Variants in CCDC157 observed in about 807,000 individuals in gnomAD.
CCDC157 encodes the protein coiled-coil domain-containing protein 157.
In CCDC157, 60 loss-of-function variants were observed where a neutral mutation model predicts 70.9. The ratio of observed to expected loss-of-function variants is 0.85; its 90% CI spans 0.69 to 1.05. The LOEUF is 1.05. Ranked by LOEUF, CCDC157 falls within the 50% of genes least tolerant of loss-of-function variation. The pLI is 0.00. For missense variants in CCDC157, 943 were observed against 984.2 expected, an observed-to-expected ratio of 0.96 and a Z score of 0.56; for synonymous variants, 373 against 422.4, an observed-to-expected ratio of 0.88 and a Z score of 1.43.
intron 5 of CCDC157, chr22:30,371,327 GAC>G: frequency 4.0e-6 from 2 of 500,274 alleles, no homozygotes; most frequent in Non-Finnish European, 7.2e-6. Flanking sequence ...AGCCATTAGA[GAC>G]AAAGTTCCTG....
chr22:30,365,465 A>G (rs564369641), intron 2 of CCDC157, among the ~76,000 whole-genome samples: 285 of 152,210 alleles, frequency 1.9e-3, no homozygotes, highest in African/African-American at 6.8e-3. Flanking sequence ...CCAGCATGAC[A>G]TGGTCCAATA....
At chr22:30,374,649 G>A (rs1351720018) in intron 9 of CCDC157, 3 of 456,692 alleles carry the variant, frequency 6.6e-6, no homozygotes, top group East Asian at 6.9e-5. Context: ...GCAGTTAGCT[G>A]CTCGTGAGAC....
In CCDC157 at chr22:30,375,632, T is replaced by C. The variant is rs759674650; in HGVS notation, c.1826T>C (p.Ile609Thr). 3 of 1,613,832 alleles carry C rather than the reference T, an allele frequency of 1.9e-6. No individual in the cohort carries two copies. Among genetic ancestry groups the C allele is most frequent in the Non-Finnish European group, 2.5e-6 (3 of 1,179,954 alleles). The change falls in exon 10 of 12, where the codon ATC (isoleucine) becomes ACC (threonine). Residue 609 changes from isoleucine (I) to threonine (T), a missense_variant. Coordinates refer to ENST00000338306, the MANE Select transcript of CCDC157 (RefSeq NM_001017437.5). Reference protein sequence around the residue: ...NGRLQSMLSKIREVAQQGGLK... With the variant: ...NGRLQSMLSKTREVAQQGGLK... ...CGGCTCCAATCAATGCTGTCCAAAA[T>C]CCGGGAAGTGGCCCAGCAGGGTGGC...
chr22:30,358,759 C>T (rs568393265), intron 1 of CCDC157, among the ~76,000 whole-genome samples: 1 of 152,290 alleles, frequency 6.6e-6, no homozygotes, highest in South Asian at 2.1e-4. Flanking sequence ...GCTGCTCCTC[C>T]CTAAGGGCTC....
Position 30,370,298 on chromosome 22 carries a change from G to GCTTT in CCDC157, c.421-26_421-23dup, listed in dbSNP as rs762375117. The GCTTT allele has an allele frequency of 1.9e-6, 3 of 1,608,318 alleles. No individual in the cohort carries two copies. The South Asian group carries it at 3.3e-5, about 18-fold the overall frequency. ...TCCCTCTCTACTCTCTCCCTCACCT[G>GCTTT]CTTTCCCTTGTCTTTTTCTGAACAC... On this transcript the variant is annotated intron_variant, in intron 4 of 11. Transcript: ENST00000338306.
At chr22:30,374,766 C>T (rs1437571403) in intron 9 of CCDC157, 4 of 455,754 alleles carry the variant, frequency 8.8e-6, no homozygotes, top group Non-Finnish European at 1.3e-5. Context: ...CAGCAATTCT[C>T]CCGGGCTCCT....
intron 7 of CCDC157, 28 bp from the exon 8 acceptor site, chr22:30,373,569 G>T (rs1432390334): frequency 2.6e-6 from 4 of 1,551,086 alleles, no homozygotes; most frequent in Non-Finnish European, 3.5e-6. Flanking sequence ...GGGTCTCACA[G>T]CCTCCCTGCT....
chr22:30,368,609 T>A (rs1344854400), intron 3 of CCDC157, among the ~76,000 whole-genome samples: 1 of 152,182 alleles, frequency 6.6e-6, no homozygotes, highest in Admixed American at 6.5e-5. Flanking sequence ...AGTGCTGTTG[T>A]CCCTGTTTGC....
At chr22:30,366,855 C>G (rs1932760165) in intron 3 of CCDC157, 1 of 158,612 alleles carries the variant, frequency 6.3e-6, no homozygotes, top group Non-Finnish European at 1.4e-5. Context: ...GTCAGGAGTT[C>G]AAGACCAGCC....
At position 30,374,097 on chromosome 22, in the gene CCDC157, GGA is replaced by G. The variant is rs766710119; in HGVS notation, c.1672+7_1672+8del. 1.9e-6 allele frequency: 3 copies of G among 1,589,406 alleles called. No homozygotes were observed. In the South Asian group the frequency reaches 3.4e-5, roughly 18 times the overall value. ...CACCGAGACCCAGATCCATGGTAGGGGACTGGGGATGGTGCCAAGGGCATGCT... is the reference window on the plus strand; with the variant it reads ...CACCGAGACCCAGATCCATGGTAGGGCTGGGGATGGTGCCAAGGGCATGCT... On this transcript the variant is annotated splice_region_variant and intron_variant, in intron 9 of 11. Transcript: ENST00000338306.
At chr22:30,364,828 A>C (rs1179609938) in intron 2 of CCDC157, among the ~76,000 whole-genome samples, 2 of 151,914 alleles carry the variant, frequency 1.3e-5, no homozygotes, top group Non-Finnish European at 2.9e-5. Flanking sequence ...AAAAAAAAAA[A>C]ACCAAAAAAC....
Position 30,366,029 on chromosome 22 carries a change from G to T in CCDC157, c.29G>T (p.Cys10Phe). MAHLLGSQA[C>F]MESLRTDLTD... Reference sequence around the variant, plus strand: ...GCGCACCTGCTGGGCAGCCAGGCCTGCATGGAGAGCCTGCGCACAGACCTC... The same window carrying T: ...GCGCACCTGCTGGGCAGCCAGGCCTTCATGGAGAGCCTGCGCACAGACCTC... The change falls in exon 3 of 12, where the codon TGC becomes TTC. Residue 10 changes from cysteine (C) to phenylalanine (F), a missense_variant. By Grantham distance (205) the Cys-to-Phe change is radical (BLOSUM62 -2). Coordinates refer to ENST00000338306, the MANE Select transcript of CCDC157 (RefSeq NM_001017437.5). The T allele has an allele frequency of 1.2e-6, 2 of 1,602,462 alleles. No individual in the cohort carries two copies.
intron 5 of CCDC157, chr22:30,371,190 G>A (rs373308465): frequency 2.9e-5 from 17 of 581,314 alleles, no homozygotes; most frequent in Middle Eastern, 9.1e-4. Context: ...GCCCAGACTC[G>A]TCCATCGGTC....
At chr22:30,372,552 C>T (rs1804478427) in intron 7 of CCDC157, 1 of 403,330 alleles carries the variant, frequency 2.5e-6, no homozygotes, top group Non-Finnish European at 4.4e-6. Context: ...GCCACACTCT[C>T]CTGCCAGATG....
chr22:30,356,927 G>T, upstream of CCDC157: 2 of 715,174 alleles, frequency 2.8e-6, no homozygotes, highest in Middle Eastern at 4.5e-4. Flanking sequence ...GCGAAGGTAC[G>T]ACTGGCGCAC....
chr22:30,368,527 C>T, intron 3 of CCDC157, among the ~76,000 whole-genome samples: 1 of 152,246 alleles, frequency 6.6e-6, no homozygotes, highest in East Asian at 1.9e-4. Flanking sequence ...AGACGGATTG[C>T]TCTGCCAAAG....
Position 30,369,457 on chromosome 22 carries a change from A to G in CCDC157, c.274A>G (p.Met92Val). ...DRLLLLLQSC[M>V]SYLENLGSEQ... ...GCTCCTGCTGCTGCTTCAAAGCTGTATGAGCTACTTGGAGAACCTTGGCTC... is the reference window on the plus strand; with the variant it reads ...GCTCCTGCTGCTGCTTCAAAGCTGTGTGAGCTACTTGGAGAACCTTGGCTC... The change falls in exon 4 of 12, where the codon ATG becomes GTG. Residue 92 changes from methionine to valine, a missense_variant. Transcript: ENST00000338306. 6.4e-7 allele frequency: 1 copy of G among 1,550,742 alleles called. No homozygotes were observed. The highest frequency in any genetic ancestry group is 8.7e-7 in the Non-Finnish European group (1 of 1,146,194).
In CCDC157 at chr22:30,377,259, C is replaced by T. The variant is rs946877968; in HGVS notation, c.*514C>T. On this transcript the variant is annotated 3_prime_UTR_variant, in exon 12 of 12. Transcript: ENST00000338306. ...TTAAGGACCCAAGAGGTCAGGCCTC[C>T]TTTCACTGAGGAACTCCTTGCCTTT... The T allele has an allele frequency of 6.3e-6, 1 of 159,722 alleles. No individual in the cohort carries two copies. Among genetic ancestry groups the T allele is most frequent in the Non-Finnish European group, 1.4e-5 (1 of 72,008 alleles). 9.9% of individuals were successfully genotyped at this position (159,722 alleles called of 1,614,324 possible).
In CCDC157 at chr22:30,361,988, C is replaced by G. The variant is rs1269645625; in HGVS notation, c.-138C>G. The G allele has an allele frequency of 6.6e-6, 1 of 152,516 alleles. No homozygotes were observed. The highest frequency in any genetic ancestry group is 2.4e-5 in the African/African-American group (1 of 41,480). The allele number at this position is 152,516 out of a possible 1,614,324, so 9.4% of individuals were successfully genotyped here. Reference sequence around the variant, plus strand: ...TCTGAAGAGCTACTCAGAGCCAACCCTGCACTGGAGACAGGAAGCCGGGCA... The same window carrying G: ...TCTGAAGAGCTACTCAGAGCCAACCGTGCACTGGAGACAGGAAGCCGGGCA... On this transcript the variant is annotated 5_prime_UTR_variant, in exon 2 of 12. Transcript: ENST00000338306.
Sources: allele counts gnomAD v4.1 joint callset (sites outside exome capture counted in the v4.1 genomes callset), GRCh38; gene constraint gnomAD v4.1.1; transcripts MANE v1.5; gene names NCBI Gene and HGNC (gene_info 2026-07-23, HGNC 2026-07-21).